Variants in KIAA1328 observed in about 807,000 individuals in gnomAD.
KIAA1328 encodes the protein KIAA1328.
In KIAA1328, 52 loss-of-function variants were observed where a neutral mutation model predicts 68.1. That is an observed-to-expected ratio of 0.76 (90% confidence interval 0.61 to 0.96). KIAA1328 has a LOEUF of 0.96. Among genes scored for constraint, KIAA1328 ranks in the 40% least tolerant of loss-of-function variants. The pLI, the probability that KIAA1328 is intolerant of heterozygous loss-of-function variation, is 0.00. For synonymous variants in KIAA1328, 232 were observed against 239.4 expected (o/e 0.97, Z 0.28); for missense variants, 641 against 677.6 (o/e 0.95, Z 0.60).
chr18:37,187,507 G>A (rs2059826811), intron 9 of KIAA1328, among the ~76,000 whole-genome samples: 1 of 152,180 alleles, frequency 6.6e-6, no homozygotes, highest in African/African-American at 2.4e-5. Context: ...CAAGCCTTGT[G>A]TACAGTTGTG....
rs1350909532 is a variant in KIAA1328 at position 37,095,770 on chromosome 18, A to AG, written c.1232+28225_1232+28226insG. ...CACTAACTAAGACTAACTAAGGAAA[A>AG]AAGAAGACCCAAATAAATAAAATCA... On this transcript the variant is annotated intron_variant, in intron 7 of 9. Coordinates refer to ENST00000280020, the MANE Select transcript of KIAA1328 (RefSeq NM_020776.3). Among the ~76,000 whole-genome samples, 6 of 152,294 alleles carry AG rather than the reference A, an allele frequency of 3.9e-5. No individual in the cohort carries two copies. In the South Asian group the frequency reaches 6.2e-4, roughly 16 times the overall value.
At chr18:36,947,895 A>T (rs945616637) in intron 5 of KIAA1328, among the ~76,000 whole-genome samples, 4 of 152,082 alleles carry the variant, frequency 2.6e-5, no homozygotes, top group Non-Finnish European at 4.4e-5. Flanking sequence ...TTGGAATTTG[A>T]TATCTCATTG....
At chr18:36,859,934 T>C (rs1341259853) in intron 4 of KIAA1328, among the ~76,000 whole-genome samples, 3 of 151,130 alleles carry the variant, frequency 2.0e-5, no homozygotes, top group Non-Finnish European at 4.4e-5. Flanking sequence ...CTTTTTTTTT[T>C]AATGTGTACT....
At chr18:37,203,855 G>T (rs2060162536) in intron 9 of KIAA1328, among the ~76,000 whole-genome samples, 1 of 151,788 alleles carries the variant, frequency 6.6e-6, no homozygotes, top group African/African-American at 2.4e-5. Context: ...TGTCGCCCAG[G>T]CTGGAGTGCA....
chr18:37,040,120 A>G (rs2151619371), intron 6 of KIAA1328, among the ~76,000 whole-genome samples: 1 of 152,288 alleles, frequency 6.6e-6, no homozygotes, highest in South Asian at 2.1e-4. Flanking sequence ...CACCACTCTT[A>G]GAAAACTTTT....
intron 6 of KIAA1328, among the ~76,000 whole-genome samples, chr18:36,979,610 A>G (rs2052604396): frequency 6.6e-6 from 1 of 152,192 alleles, no homozygotes; most frequent in Non-Finnish European, 1.5e-5. Context: ...ATTGGTATCA[A>G]GCAGGAAGAT....
intron 7 of KIAA1328, among the ~76,000 whole-genome samples, chr18:37,150,715 TAAA>T (rs1387418196): frequency 1.3e-5 from 2 of 152,052 alleles, no homozygotes; most frequent in East Asian, 3.8e-4. Context: ...ATTAACATAA[TAAA>T]AAATATTTTA....
intron 7 of KIAA1328, among the ~76,000 whole-genome samples, chr18:37,156,706 T>C (rs117453968): frequency 2.0e-5 from 3 of 152,204 alleles, no homozygotes; most frequent in East Asian, 3.9e-4. Context: ...GATGGTGATA[T>C]CATTAAGTGA....
intron 6 of KIAA1328, among the ~76,000 whole-genome samples, chr18:36,995,705 AC>A (rs2053363309): frequency 6.6e-6 from 1 of 152,160 alleles, no homozygotes; most frequent in Non-Finnish European, 1.5e-5. Context: ...TTTTACTCAA[AC>A]CTCTAGCGGG....
intron 6 of KIAA1328, among the ~76,000 whole-genome samples, chr18:37,055,411 G>A (rs1053033735): frequency 3.9e-5 from 6 of 152,172 alleles, no homozygotes; most frequent in African/African-American, 1.4e-4. Context: ...TGCAACTGAT[G>A]ATATAACACC....
intron 6 of KIAA1328, among the ~76,000 whole-genome samples, chr18:36,998,349 A>AT (rs2053470862): frequency 2.0e-5 from 3 of 152,072 alleles, no homozygotes; most frequent in Admixed American, 2.0e-4. Flanking sequence ...ACCAACATTG[A>AT]TGCACACCAC....
intron 7 of KIAA1328, among the ~76,000 whole-genome samples, chr18:37,099,994 A>T (rs977719688): frequency 6.6e-6 from 1 of 152,134 alleles, no homozygotes; most frequent in African/African-American, 2.4e-5. Flanking sequence ...GGGTTTCCTG[A>T]ATGCAGCACA....
At chr18:36,922,314 C>T (rs939984971) in intron 5 of KIAA1328, among the ~76,000 whole-genome samples, 5 of 152,118 alleles carry the variant, frequency 3.3e-5, no homozygotes, top group Admixed American at 6.5e-5. Flanking sequence ...TGTATGGTTC[C>T]GTACTTGAAC....
At chr18:37,069,085 T>G (rs1342189157) in intron 7 of KIAA1328, among the ~76,000 whole-genome samples, 1 of 152,238 alleles carries the variant, frequency 6.6e-6, no homozygotes, top group East Asian at 1.9e-4. Context: ...TCAAATATCT[T>G]TTATGATCAT....
At chr18:36,954,362 T>G (rs1038113412) in intron 5 of KIAA1328, 6 of 152,234 alleles carry the variant, frequency 3.9e-5, no homozygotes, top group African/African-American at 1.4e-4. Context: ...AGGTTCAGAT[T>G]AAAACATAAG....
At chr18:36,855,734 G>T (rs1229245489) in intron 4 of KIAA1328, among the ~76,000 whole-genome samples, 1 of 151,024 alleles carries the variant, frequency 6.6e-6, no homozygotes, top group African/African-American at 2.4e-5. Flanking sequence ...AAAATCCAAG[G>T]TCATGAAGAT....
chr18:37,203,592 G>A (rs1222810359), intron 9 of KIAA1328, among the ~76,000 whole-genome samples: 1 of 152,202 alleles, frequency 6.6e-6, no homozygotes, highest in African/African-American at 2.4e-5. Flanking sequence ...TAGGAAGTAT[G>A]CAATTTTAAT....
intron 5 of KIAA1328, among the ~76,000 whole-genome samples, chr18:36,942,359 A>C (rs1420732389): frequency 6.6e-6 from 1 of 152,236 alleles, no homozygotes; most frequent in African/African-American, 2.4e-5. Context: ...TTTCTGAACA[A>C]GTGGTGTAGC....
intron 6 of KIAA1328, among the ~76,000 whole-genome samples, chr18:36,995,976 G>T (rs2053375392): frequency 6.6e-6 from 1 of 152,082 alleles, no homozygotes; most frequent in African/African-American, 2.4e-5. Context: ...TTTGTTTATT[G>T]GTCACTTCTC....
Sources: allele counts gnomAD v4.1 joint callset (sites outside exome capture counted in the v4.1 genomes callset), GRCh38; gene constraint gnomAD v4.1.1; transcripts MANE v1.5; gene names NCBI Gene and HGNC (gene_info 2026-07-23, HGNC 2026-07-21).